Variants in SFTPA1 observed in about 807,000 individuals in gnomAD.
The protein encoded by SFTPA1 is surfactant protein A1, also known as pulmonary surfactant-associated protein A1.
In SFTPA1, 13 loss-of-function variants were observed where a neutral mutation model predicts 19.1. The ratio of observed to expected loss-of-function variants is 0.68; its 90% CI spans 0.44 to 1.08. SFTPA1 has a LOEUF of 1.08. Among genes scored for constraint, SFTPA1 ranks in the 50% least tolerant of loss-of-function variants. The probability of loss-of-function intolerance (pLI) is 0.00; values close to 1 mark genes in which losing one functional copy is unlikely to be tolerated. For missense variants in SFTPA1, 259 were observed against 316.4 expected, an observed-to-expected ratio of 0.82 and a Z score of 1.38; for synonymous variants, 101 against 117.0, an observed-to-expected ratio of 0.86 and a Z score of 0.88.
chr10:79,614,812 G>C lies in SFTPA1; in HGVS notation c.*699G>C, dbSNP rs917212175. On this transcript the variant is annotated 3_prime_UTR_variant, in exon 6 of 6. Coordinates refer to ENST00000398636, the MANE Select transcript of SFTPA1 (RefSeq NM_005411.5). ...CAGCCTAGGCCTCTAGGGTGACCTAGAGCCGCCTTCAGATGTGACCCGAGT... is the reference window on the plus strand; with the variant it reads ...CAGCCTAGGCCTCTAGGGTGACCTACAGCCGCCTTCAGATGTGACCCGAGT... 7.4e-6 allele frequency: 3 copies of C among 406,096 alleles called. No homozygotes were observed. Among genetic ancestry groups the C allele is most frequent in the Non-Finnish European group, 1.4e-5 (3 of 213,148 alleles). 25.2% of individuals were successfully genotyped at this position (406,096 alleles called of 1,614,324 possible). A position where few individuals can be genotyped will look rare whatever the true frequency, so the allele number is the denominator to read the frequency against.
intron 4 of SFTPA1, 77 bp from the exon 5 acceptor site, chr10:79,613,112 T>A (rs1452058626): frequency 6.2e-7 from 1 of 1,612,270 alleles, no homozygotes; most frequent in Non-Finnish European, 8.5e-7. Context: ...GGATTGCAGA[T>A]GGCAAAACAC....
chr10:79,612,927 C>G (rs936255128), intron 4 of SFTPA1, among the ~76,000 whole-genome samples: 2 of 151,898 alleles, frequency 1.3e-5, no homozygotes, highest in African/African-American at 2.4e-5. Context: ...GGCGGGCAGA[C>G]AGAACCCCTC....
chr10:79,613,483 C>T (rs562279111), intron 5 of SFTPA1, among the ~76,000 whole-genome samples: 13 of 152,322 alleles, frequency 8.5e-5, no homozygotes, highest in African/African-American at 3.1e-4. Context: ...AAGTTCTCCA[C>T]CTGCCTTGCT....
In SFTPA1 at chr10:79,614,648, C is replaced by G. The variant is rs1035930291; in HGVS notation, c.*535C>G. The G allele has an allele frequency of 1.2e-5, 3 of 260,652 alleles. No homozygotes were observed. Among genetic ancestry groups the G allele is most frequent in the Admixed American group, 1.0e-4 (2 of 19,710 alleles). The allele number at this position is 260,652 out of a possible 1,614,324, so 16.1% of individuals were successfully genotyped here. ...GCACTCTGAGGTCTCTGTGGCAGGC[C>G]TGGTCAGGCTCTCCATGAGGTTAGA... On this transcript the variant is annotated 3_prime_UTR_variant, in exon 6 of 6. Coordinates refer to ENST00000398636, the MANE Select transcript of SFTPA1 (RefSeq NM_005411.5).
chr10:79,611,321 C>T lies in SFTPA1; in HGVS notation c.-92C>T, dbSNP rs138543542. 1,377 of 383,452 alleles carry T rather than the reference C, an allele frequency of 3.6e-3. 24 individuals are homozygous for T. The highest frequency in any genetic ancestry group is 0.025 in the African/African-American group (1,227 of 49,168). The allele number at this position is 383,452 out of a possible 1,614,324, so 23.8% of individuals were successfully genotyped here. The stretch of plus-strand genomic sequence containing the variant: ...CGTTCATCTTTTTTCATTCTCAGGT[C>T]GCTGATTTCTTGGAGCCTGAAAAGA... On this transcript the variant is annotated splice_region_variant and 5_prime_UTR_variant, in exon 2 of 6. Coordinates refer to ENST00000398636, the MANE Select transcript of SFTPA1 (RefSeq NM_005411.5).
intron 4 of SFTPA1, 36 bp from the exon 5 acceptor site, chr10:79,613,153 G>T (rs1360108042): frequency 6.2e-7 from 1 of 1,613,720 alleles, no homozygotes; most frequent in Non-Finnish European, 8.5e-7. Flanking sequence ...GTCTTCACTG[G>T]CCTGCCCCTC....
Position 79,613,954 on chromosome 10 carries a change from A to G in SFTPA1, c.588A>G (p.Gly196=). Residue 196 remains glycine (G), a synonymous_variant, in exon 6 of 6, where the codon GGA becomes GGG. Coordinates refer to ENST00000398636, the MANE Select transcript of SFTPA1 (RefSeq NM_005411.5). ...GCCTGACTGAGGGTCCCAGCCCTGG[A>G]GACTTCCGCTACTCAGACGGGACCC... ...YVGLTEGPSP[G]DFRYSDGTPV... The G allele has an allele frequency of 6.2e-7, 1 of 1,614,164 alleles. No homozygotes were observed. The highest frequency in any genetic ancestry group is 1.7e-4 in the Middle Eastern group (1 of 6,058).
rs746749035 is a variant in SFTPA1, at chr10:79,612,427, T to A, written c.288T>A (p.Pro96=). Reference sequence around the variant, plus strand: ...AGGGGGAGCCTGGCGAGAGGGGCCCTCCAGGTGAGCAGGGTGGGGCAGGTG... The same window carrying A: ...AGGGGGAGCCTGGCGAGAGGGGCCCACCAGGTGAGCAGGGTGGGGCAGGTG... The part of the protein sequence containing the change: ...GEKGEPGERG[P]PGLPAHLDEE... Residue 96 remains proline, a synonymous_variant, in exon 4 of 6, where the codon CCT becomes CCA. Transcript: ENST00000398636. 3 of 1,613,286 alleles carry A rather than the reference T, an allele frequency of 1.9e-6. No homozygotes were observed. The African/African-American group carries it at 4.0e-5, about 22-fold the overall frequency.
Position 79,614,654 on chromosome 10 carries a change from A to T in SFTPA1, c.*541A>T, listed in dbSNP as rs1379131933. The T allele has an allele frequency of 7.6e-6, 2 of 264,724 alleles. No individual in the cohort carries two copies. The highest frequency in any genetic ancestry group is 1.5e-5 in the Non-Finnish European group (2 of 134,800). The allele number at this position is 264,724 out of a possible 1,614,324, so 16.4% of individuals were successfully genotyped here. On this transcript the variant is annotated 3_prime_UTR_variant, in exon 6 of 6. Transcript: ENST00000398636. ...TGAGGTCTCTGTGGCAGGCCTGGTC[A>T]GGCTCTCCATGAGGTTAGAAGGCCA...
chr10:79,612,970 G>A (rs1253018266), intron 4 of SFTPA1, among the ~76,000 whole-genome samples: 1 of 151,944 alleles, frequency 6.6e-6, no homozygotes, highest in African/African-American at 2.4e-5. Context: ...ACAAGGGGTG[G>A]GGGTCTCAGC....
Position 79,614,852 on chromosome 10 carries a change from G to A in SFTPA1, c.*739G>A. ...GTGACCCGAGTAACTTTCAACTGAT[G>A]AACAAATCTGCACCCTACTTCAGAT... On this transcript the variant is annotated 3_prime_UTR_variant, in exon 6 of 6. Coordinates refer to ENST00000398636, the MANE Select transcript of SFTPA1 (RefSeq NM_005411.5). The A allele has an allele frequency of 8.5e-6, 5 of 590,560 alleles. No homozygotes were observed. The South Asian group carries it at 9.5e-5, about 11-fold the overall frequency. 36.6% of individuals were successfully genotyped at this position (590,560 alleles called of 1,614,324 possible).
intron 5 of SFTPA1, 86 bp downstream of exon 5, chr10:79,613,352 T>G (rs1859980841): frequency 1.3e-6 from 2 of 1,586,542 alleles, no homozygotes; most frequent in Non-Finnish European, 8.7e-7. Flanking sequence ...ACATAGAGAT[T>G]ACAAATAGGC....
At chr10:79,611,208 C>T in intron 1 of SFTPA1, 111 bp from the exon 2 acceptor site, 1 of 200,478 alleles carries the variant, frequency 5.0e-6, no homozygotes, top group Non-Finnish European at 1.0e-5. Flanking sequence ...TTCAGCAGGG[C>T]CTACAGGAGG....
chr10:79,613,472 C>T (rs139118579), intron 5 of SFTPA1, among the ~76,000 whole-genome samples: 22 of 152,332 alleles, frequency 1.4e-4, no homozygotes, highest in African/African-American at 5.3e-4. Flanking sequence ...CATAGGAAAG[C>T]AAGTTCTCCA....
rs1389666041 is a variant in SFTPA1, at chr10:79,614,997, G to A, written c.*884G>A. 7.7e-7 allele frequency: 1 copy of A among 1,305,160 alleles called. No homozygotes were observed. The highest frequency in any genetic ancestry group is 5.5e-5 in the East Asian group (1 of 18,024). The allele number at this position is 1,305,160 out of a possible 1,614,324, so 80.8% of individuals were successfully genotyped here. A position where few individuals can be genotyped will look rare whatever the true frequency, so the allele number is the denominator to read the frequency against. On this transcript the variant is annotated 3_prime_UTR_variant, in exon 6 of 6. Transcript: ENST00000398636. ...GCCAGGTCTTAGGATATGTCGTGGGGTGGGCAAGGTAATCAGTGACAGTTG... is the reference window on the plus strand; with the variant it reads ...GCCAGGTCTTAGGATATGTCGTGGGATGGGCAAGGTAATCAGTGACAGTTG...
chr10:79,614,414 CCT>C lies in SFTPA1; in HGVS notation c.*302_*303del, dbSNP rs1860048805. The C allele has an allele frequency of 2.1e-6, 1 of 472,642 alleles. No individual in the cohort carries two copies. Among genetic ancestry groups the C allele is most frequent in the Admixed American group, 3.4e-5 (1 of 28,994 alleles). 29.3% of individuals were successfully genotyped at this position (472,642 alleles called of 1,614,324 possible). On this transcript the variant is annotated 3_prime_UTR_variant, in exon 6 of 6. Transcript: ENST00000398636. ...TCCTTATTCCCCATCTGGTCCAGTT[CCT>C]TCACTTACAGATGGCAGCAGTGAGG...
At chr10:79,613,045 A>T (rs1859955515) in intron 4 of SFTPA1, 144 bp from the exon 5 acceptor site, 2 of 1,532,626 alleles carry the variant, frequency 1.3e-6, no homozygotes, top group East Asian at 4.6e-5. Flanking sequence ...AATCTTGTGG[A>T]CCCTCTGAGC....
intron 3 of SFTPA1, 34 bp downstream of exon 3, chr10:79,612,031 G>A (rs764356496): frequency 1.9e-6 from 3 of 1,610,588 alleles, no homozygotes; most frequent in Non-Finnish European, 2.5e-6. Context: ...TCAGCTGAGG[G>A]ACACAGACCC....
At chr10:79,612,552 C>T in intron 4 of SFTPA1, 121 bp downstream of exon 4, 1 of 1,484,906 alleles carries the variant, frequency 6.7e-7, no homozygotes, top group Non-Finnish European at 9.2e-7. Context: ...TTGGCTCAAC[C>T]TAAGTAAGAG....
Sources: gnomAD v4.1 joint callset for allele counts (sites outside exome capture counted in the v4.1 genomes callset) on GRCh38, gnomAD v4.1.1 for gene constraint, MANE v1.5 for transcripts, NCBI Gene and HGNC (gene_info 2026-07-23, HGNC 2026-07-21) for gene names.